MAP4: variants seen among roughly 807,000 people sequenced by gnomAD.
MAP4 encodes the protein microtubule associated protein 4.
A neutral mutation model predicts 170.2 loss-of-function variants in MAP4; 76 were observed. The ratio of observed to expected loss-of-function variants is 0.45; its 90% CI spans 0.37 to 0.54. MAP4 has a LOEUF of 0.54. Among genes scored for constraint, MAP4 ranks in the 20% least tolerant of loss-of-function variants. The pLI is 0.00. For missense variants in MAP4, 2,506 were observed against 2,748.0 expected (o/e 0.91, Z 1.97); for synonymous variants, 909 against 994.5 (o/e 0.91, Z 1.62).
chr3:47,919,596 C>T (rs554088851), intron 5 of MAP4, among the ~76,000 whole-genome samples: 1 of 152,324 alleles, frequency 6.6e-6, no homozygotes, highest in Non-Finnish European at 1.5e-5. Context: ...GTGTGAGACA[C>T]CGCGCCCGGC....
chr3:47,965,730 C>T (rs1161208109), intron 3 of MAP4, among the ~76,000 whole-genome samples: 1 of 151,984 alleles, frequency 6.6e-6, no homozygotes, highest in African/African-American at 2.4e-5. Flanking sequence ...AAGTCCTTTG[C>T]CCATATTTTT....
intron 10 of MAP4, among the ~76,000 whole-genome samples, chr3:47,889,449 T>C (rs2098208114): frequency 6.6e-6 from 1 of 152,218 alleles, no homozygotes; most frequent in African/African-American, 2.4e-5. Context: ...GGATCAAAAG[T>C]TGCTTGAGGA....
intron 1 of MAP4, among the ~76,000 whole-genome samples, chr3:48,034,467 C>T (rs569720221): frequency 3.9e-5 from 6 of 152,080 alleles, no homozygotes; most frequent in African/African-American, 7.2e-5. Flanking sequence ...CTTTGGGAGC[C>T]CAAGACAGGT....
chr3:47,984,446 G>C (rs1198831777), intron 2 of MAP4, among the ~76,000 whole-genome samples: 1 of 152,180 alleles, frequency 6.6e-6, no homozygotes, highest in South Asian at 2.1e-4. Flanking sequence ...TAAAATAGTA[G>C]GTGAAAGTTG....
At chr3:47,956,288 G>GCA (rs2100067780) in intron 3 of MAP4, among the ~76,000 whole-genome samples, 3 of 152,134 alleles carry the variant, frequency 2.0e-5, no homozygotes, top group Admixed American at 6.5e-5. Context: ...CAAGTCAATG[G>GCA]CCTCCTGAGA....
intron 1 of MAP4, among the ~76,000 whole-genome samples, chr3:48,053,200 C>T (rs1218689994): frequency 3.9e-5 from 6 of 152,132 alleles, no homozygotes; most frequent in African/African-American, 1.4e-4. Flanking sequence ...ATCTGAATAG[C>T]TAATACCAAA....
At chr3:48,063,868 G>C (rs1346775508) in intron 1 of MAP4, among the ~76,000 whole-genome samples, 1 of 152,206 alleles carries the variant, frequency 6.6e-6, no homozygotes, top group Non-Finnish European at 1.5e-5. Flanking sequence ...AATAGGTGGA[G>C]TACAGGGGAT....
chr3:48,088,519 G>A (rs2100150594), intron 1 of MAP4, among the ~76,000 whole-genome samples: 1 of 150,566 alleles, frequency 6.6e-6, no homozygotes, highest in Admixed American at 6.6e-5. Flanking sequence ...CTCAAAAGCT[G>A]GACCTCTCAG....
At chr3:47,935,970 A>G (rs2100052562) in intron 3 of MAP4, among the ~76,000 whole-genome samples, 1 of 151,282 alleles carries the variant, frequency 6.6e-6, no homozygotes, top group Admixed American at 6.6e-5. Context: ...TTAGGAATAT[A>G]CCTCAAAAAA....
At chr3:47,885,072 G>A (rs1325368357) in intron 10 of MAP4, among the ~76,000 whole-genome samples, 1 of 152,146 alleles carries the variant, frequency 6.6e-6, no homozygotes, top group Non-Finnish European at 1.5e-5. Flanking sequence ...CTCACCATTA[G>A]GTCTTTGCTG....
intron 3 of MAP4, among the ~76,000 whole-genome samples, chr3:47,968,495 C>G (rs749152435): frequency 3.9e-5 from 6 of 152,080 alleles, no homozygotes; most frequent in Non-Finnish European, 7.4e-5. Flanking sequence ...ATAATCAACA[C>G]GTCAAAGAAA....
At chr3:48,082,070 A>G (rs1472202074) in intron 1 of MAP4, among the ~76,000 whole-genome samples, 1 of 152,258 alleles carries the variant, frequency 6.6e-6, no homozygotes, top group Non-Finnish European at 1.5e-5. Flanking sequence ...TTATAAGCAA[A>G]GAAAAAAATA....
intron 1 of MAP4, among the ~76,000 whole-genome samples, chr3:48,075,880 C>G (rs981456900): frequency 6.7e-6 from 1 of 148,504 alleles, no homozygotes; most frequent in Non-Finnish European, 1.5e-5. Flanking sequence ...GAGGCTGAGG[C>G]AGGAGAATCG....
At chr3:48,032,332 TA>T (rs917035320) in intron 1 of MAP4, among the ~76,000 whole-genome samples, 7 of 150,488 alleles carry the variant, frequency 4.7e-5, no homozygotes, top group Non-Finnish European at 1.0e-4. Flanking sequence ...GCATTTCTAC[TA>T]AAAAAAAATA....
intron 1 of MAP4, among the ~76,000 whole-genome samples, chr3:48,078,964 A>C (rs560235797): frequency 7.9e-5 from 12 of 152,102 alleles, no homozygotes; most frequent in Non-Finnish European, 1.3e-4. Flanking sequence ...TGAGCCTAGG[A>C]GTTTGAGACC....
intron 11 of MAP4, among the ~76,000 whole-genome samples, chr3:47,876,585 TA>T (rs1190927348): frequency 6.6e-6 from 1 of 152,190 alleles, no homozygotes; most frequent in East Asian, 1.9e-4. Flanking sequence ...TTATTACCTG[TA>T]TTTTTTTTAA....
At position 47,894,302 on chromosome 3, in the gene MAP4, G is replaced by A. The variant is rs115343627; in HGVS notation, c.5434+8648C>T. Among the ~76,000 whole-genome samples the A allele has an allele frequency of 6.8e-3, 1,042 of 152,302 alleles. 9 individuals carry two copies. Among genetic ancestry groups the A allele is most frequent in the African/African-American group, 0.024 (1,009 of 41,558 alleles). ...TTAGTAACAAGAAAAAATATGATTG[G>A]CCGGGTGTGGTGGCTCACGCCTGTA... On this transcript the variant is annotated intron_variant, in intron 10 of 20. Coordinates refer to ENST00000683076, the MANE Select transcript of MAP4 (RefSeq NM_001385682.1).
rs1576562419 is a variant in MAP4, at chr3:47,853,220, A to G, written c.6829T>C (p.Ser2277Pro). 1 of 1,579,888 alleles carries G rather than the reference A, an allele frequency of 6.3e-7. No homozygotes were observed. Among genetic ancestry groups the G allele is most frequent in the East Asian group, 2.2e-5 (1 of 44,484 alleles). ...ASGLNGHPTL[S>P]GGGDQREAQT... Reference sequence around the variant, plus strand: ...GCCTCCCTTTGGTCACCACCCCCTGACAGGGTGGGGTGGCCATTGAGGCCA... The same window carrying G: ...GCCTCCCTTTGGTCACCACCCCCTGGCAGGGTGGGGTGGCCATTGAGGCCA... The change falls in exon 20 of 21, where the codon TCA (serine) becomes CCA (proline). Residue 2277 changes from serine to proline, a missense_variant. Ser to Pro is a moderately conservative substitution (Grantham distance 74). Coordinates refer to ENST00000683076, the MANE Select transcript of MAP4 (RefSeq NM_001385682.1).
chr3:47,867,027 T>C (rs1346492913), intron 17 of MAP4, among the ~76,000 whole-genome samples: 4 of 152,296 alleles, frequency 2.6e-5, no homozygotes, highest in East Asian at 3.9e-4. Flanking sequence ...GGTAAAAAGA[T>C]ACTGAGTGGA....
Sources: gnomAD v4.1 joint callset for allele counts (sites outside exome capture counted in the v4.1 genomes callset) on GRCh38, gnomAD v4.1.1 for gene constraint, MANE v1.5 for transcripts, NCBI Gene and HGNC (gene_info 2026-07-23, HGNC 2026-07-21) for gene names.